The following FNDC3B variants were observed in gnomAD, a reference collection of about 807,000 sequenced individuals.
The protein encoded by FNDC3B is fibronectin type III domain containing 3B.
In FNDC3B, 12 loss-of-function variants were observed where a neutral mutation model predicts 151.5. The observed-to-expected ratio is 0.08, with a 90% CI of 0.05 to 0.13. The LOEUF (loss-of-function observed/expected upper bound fraction) is 0.13, where lower values mean the gene tolerates loss of function less well. Ranked by LOEUF, FNDC3B falls within the 10% of genes least tolerant of loss-of-function variation. The pLI, the probability that FNDC3B is intolerant of heterozygous loss-of-function variation, is 1.00. For synonymous variants in FNDC3B, 528 were observed against 549.0 expected, an observed-to-expected ratio of 0.96 and a Z score of 0.54; for missense variants, 1,214 against 1,505.3, an observed-to-expected ratio of 0.81 and a Z score of 3.20.
At chr3:172,333,038 A>G in intron 13 of FNDC3B, 51 bp from the exon 14 acceptor site, 1 of 1,170,760 alleles carries the variant, frequency 8.5e-7, no homozygotes, top group Non-Finnish European at 1.3e-6. Context: ...AAAGGTATTT[A>G]ATGCCCAGAA....
At chr3:172,328,336 C>T (rs751261317) in intron 11 of FNDC3B, among the ~76,000 whole-genome samples, 3 of 152,164 alleles carry the variant, frequency 2.0e-5, no homozygotes, top group Admixed American at 6.5e-5. Flanking sequence ...GCAAAGCAGA[C>T]GTGGACAAAA....
intron 6 of FNDC3B, among the ~76,000 whole-genome samples, chr3:172,258,461 C>G (rs929356462): frequency 6.6e-6 from 1 of 152,150 alleles, no homozygotes; most frequent in African/African-American, 2.4e-5. Flanking sequence ...TGCTCAGAAA[C>G]CAGAATCAGA....
At chr3:172,370,363 G>A (rs1015051926) in intron 23 of FNDC3B, among the ~76,000 whole-genome samples, 4 of 152,080 alleles carry the variant, frequency 2.6e-5, no homozygotes, top group African/African-American at 7.2e-5. Flanking sequence ...TTAACATGAT[G>A]GAACTTCTTC....
chr3:172,364,700 G>A (rs996242639), intron 23 of FNDC3B, among the ~76,000 whole-genome samples: 11 of 152,168 alleles, frequency 7.2e-5, no homozygotes, highest in Admixed American at 4.6e-4. Flanking sequence ...CTGGCATGAG[G>A]CATTTAAATA....
chr3:172,344,102 A>G lies in FNDC3B; in HGVS notation c.2094A>G (p.Glu698=), dbSNP rs1452882399. 1 of 1,611,212 alleles carries G rather than the reference A, an allele frequency of 6.2e-7. No individual in the cohort carries two copies. Among genetic ancestry groups the G allele is most frequent in the Admixed American group, 1.7e-5 (1 of 59,438 alleles). ...CATTCCCAGATGTTCCTGCATCGGA[A>G]AGTGGCTGTGAGGTCTCAGAGTACA... ...VHLEWDVPAS[E]SGCEVSEYSV... is the part of the protein sequence containing the mutation. Residue 698 remains glutamate (E), a synonymous_variant, in exon 19 of 26, where the codon GAA becomes GAG. Coordinates refer to ENST00000415807, the MANE Select transcript of FNDC3B (RefSeq NM_022763.4).
chr3:172,330,362 G>C, intron 12 of FNDC3B, 179 bp from the exon 13 acceptor site: 1 of 515,372 alleles, frequency 1.9e-6, no homozygotes. Flanking sequence ...ATCATGGGGT[G>C]GGGGGATGGG....
rs753911197 is a variant in FNDC3B, at chr3:172,352,758, G to T, written c.2515-45G>T. On this transcript the variant is annotated intron_variant, in intron 21 of 25. Transcript: ENST00000415807. The surrounding 1 kb of genome is among the most constrained non-coding windows in gnomAD (Gnocchi z 4.2). ...AGCTAACTCAGAGGCATCAAAATGT[G>T]CTAATGGTGTAATATGGCCTTTGTC... 9.5e-6 allele frequency: 15 copies of T among 1,583,722 alleles called. No individual in the cohort carries two copies. The highest frequency in any genetic ancestry group is 1.3e-5 in the Non-Finnish European group (15 of 1,166,276).
chr3:172,216,727 A>C lies in FNDC3B; in HGVS notation c.188-10144A>C, dbSNP rs182615139. ...GTAATCCTGAATGTTGTTTATTTGT[A>C]GCCTAAGTAAATTATGTTTCAAACT... On this transcript the variant is annotated intron_variant, in intron 3 of 25. Transcript: ENST00000415807. Among the ~76,000 whole-genome samples the C allele has an allele frequency of 8.4e-4, 128 of 152,338 alleles. 1 individual carries two copies. Among genetic ancestry groups the C allele is most frequent in the African/African-American group, 3.0e-3 (126 of 41,578 alleles).
At chr3:172,202,271 G>C (rs76688507) in intron 3 of FNDC3B, among the ~76,000 whole-genome samples, 4 of 152,114 alleles carry the variant, frequency 2.6e-5, no homozygotes, top group East Asian at 1.9e-4. Context: ...CTGCAAAAAG[G>C]CGTCTTTCCT....
chr3:172,155,082 G>A (rs565476633), intron 3 of FNDC3B, among the ~76,000 whole-genome samples: 41 of 152,242 alleles, frequency 2.7e-4, no homozygotes, highest in African/African-American at 8.7e-4. Flanking sequence ...GCATTTTAAA[G>A]TATGGTTAAG....
intron 7 of FNDC3B, 35 bp from the exon 8 acceptor site, chr3:172,295,328 T>G: frequency 6.3e-7 from 1 of 1,581,350 alleles, no homozygotes; most frequent in South Asian, 1.2e-5. Context: ...GTAAAATGGA[T>G]TTGAATACTT....
chr3:172,250,129 A>G (rs899438001), intron 5 of FNDC3B, among the ~76,000 whole-genome samples: 1 of 152,200 alleles, frequency 6.6e-6, no homozygotes, highest in African/African-American at 2.4e-5. Flanking sequence ...ATAATTTTGA[A>G]CTGATTTAAA....
At chr3:172,068,975 G>A (rs1321076126) in intron 1 of FNDC3B, among the ~76,000 whole-genome samples, 1 of 152,174 alleles carries the variant, frequency 6.6e-6, no homozygotes, top group East Asian at 1.9e-4. Context: ...TGGACTTAGG[G>A]TTTGTAGCCA....
At chr3:172,249,156 G>A (rs778223798) in intron 5 of FNDC3B, among the ~76,000 whole-genome samples, 1 of 152,072 alleles carries the variant, frequency 6.6e-6, no homozygotes, top group Non-Finnish European at 1.5e-5. Flanking sequence ...AAATAATTGA[G>A]TGTTTCTTAG....
chr3:172,269,624 TTTTG>T (rs1729094687), intron 6 of FNDC3B, among the ~76,000 whole-genome samples: 1 of 151,862 alleles, frequency 6.6e-6, no homozygotes, highest in African/African-American at 2.4e-5. Flanking sequence ...TGTGTGGTTT[TTTTG>T]TTTGTTGTTT....
intron 11 of FNDC3B, chr3:172,316,334 C>A (rs1731788292): frequency 2.2e-6 from 1 of 445,124 alleles, no homozygotes; most frequent in Non-Finnish European, 4.5e-6. Context: ...CACTATCTAG[C>A]AGAGGTGGGA....
intron 14 of FNDC3B, among the ~76,000 whole-genome samples, chr3:172,333,935 TTAA>T (rs1385408841): frequency 3.4e-5 from 5 of 146,074 alleles, no homozygotes; most frequent in Non-Finnish European, 6.1e-5. Context: ...ACAGCCACCA[TTAA>T]TGTTACTATA....
chr3:172,278,350 G>T (rs188769117), intron 6 of FNDC3B, among the ~76,000 whole-genome samples: 3 of 152,242 alleles, frequency 2.0e-5, no homozygotes, highest in Non-Finnish European at 2.9e-5. Context: ...AATTACCTTT[G>T]TAAGTTGTTC....
Position 172,251,528 on chromosome 3 carries a change from T to C in FNDC3B, c.777T>C (p.Asp259=), listed in dbSNP as rs920221312. 1 of 1,611,646 alleles carries C rather than the reference T, an allele frequency of 6.2e-7. No homozygotes were observed. The highest frequency in any genetic ancestry group is 8.5e-7 in the Non-Finnish European group (1 of 1,178,594). Residue 259 remains aspartate, a synonymous_variant, in exon 6 of 26, where the codon GAT becomes GAC. Coordinates refer to ENST00000415807, the MANE Select transcript of FNDC3B (RefSeq NM_022763.4). ...RRARSSPKSN[D]SDLQEYELEV... is the part of the protein sequence containing the mutation. ...CAAGAAGCAGCCCAAAGTCGAATGATTCAGACTTGCAAGGTAATACTCAAG... is the reference window on the plus strand; with the variant it reads ...CAAGAAGCAGCCCAAAGTCGAATGACTCAGACTTGCAAGGTAATACTCAAG...
Sources: gnomAD v4.1 joint callset for allele counts (sites outside exome capture counted in the v4.1 genomes callset) on GRCh38, gnomAD v4.1.1 for gene constraint, Gnocchi (gnomAD v3.1) non-coding constraint, MANE v1.5 for transcripts, NCBI Gene and HGNC (gene_info 2026-07-23, HGNC 2026-07-21) for gene names.